Variants in CCNO observed in about 807,000 individuals in gnomAD.
The protein encoded by CCNO is cyclin O, also known as cyclin-O.
CCNO carries 24 observed loss-of-function variants against 23.9 expected under a neutral mutation model. The observed-to-expected ratio is 1.00, with a 90% CI of 0.73 to 1.41. CCNO has a LOEUF of 1.41. CCNO is among the 40% of genes most tolerant of loss of function. CCNO has a pLI of 0.00. For synonymous variants in CCNO, 241 were observed against 225.7 expected (o/e 1.07, Z -0.61); for missense variants, 542 against 476.2 (o/e 1.14, Z -1.29).
chr5:55,232,043 T>TA lies in CCNO; in HGVS notation c.568-184dup, dbSNP rs11424492. On this transcript the variant is annotated intron_variant, in intron 2 of 2. Coordinates refer to ENST00000282572, the MANE Select transcript of CCNO (RefSeq NM_021147.5). ...GCAGTTGATCTAACTACTGTCCAAC[T>TA]AAAAAAAAAAAGCTTGGGAAATTTT... Among the ~76,000 whole-genome samples the TA allele has an allele frequency of 0.13, 18,249 of 143,558 alleles. 1,179 individuals are homozygous for TA. Among genetic ancestry groups the TA allele is most frequent in the East Asian group, 0.27 (1,336 of 4,946 alleles). 94.2% of individuals were successfully genotyped at this position (143,558 alleles called of 152,430 possible). A position where few individuals can be genotyped will look rare whatever the true frequency, so the allele number is the denominator to read the frequency against.
chr5:55,232,927 G>A lies in CCNO; in HGVS notation c.381+216C>T. The A allele has an allele frequency of 6.6e-6, 4 of 606,804 alleles. No homozygotes were observed. In the South Asian group the frequency reaches 8.3e-5, roughly 13 times the overall value. The allele number at this position is 606,804 out of a possible 1,614,324, so 37.6% of individuals were successfully genotyped here. The stretch of plus-strand genomic sequence containing the variant: ...CTACCGTGCCCCAGTAGCCAGCTTG[G>A]GACGGGGCAAGTCCCTCAAGCCGTC... On this transcript the variant is annotated intron_variant, in intron 1 of 2. Coordinates refer to ENST00000282572, the MANE Select transcript of CCNO (RefSeq NM_021147.5).
rs547117661 is a variant in CCNO, at chr5:55,232,930, C to T, written c.381+213G>A. 8.2e-6 allele frequency: 5 copies of T among 607,020 alleles called. No individual in the cohort carries two copies. In the East Asian group the frequency reaches 1.1e-4, roughly 14 times the overall value. The allele number at this position is 607,020 out of a possible 1,614,324, so 37.6% of individuals were successfully genotyped here. A position where few individuals can be genotyped will look rare whatever the true frequency, so the allele number is the denominator to read the frequency against. On this transcript the variant is annotated intron_variant, in intron 1 of 2. Coordinates refer to ENST00000282572, the MANE Select transcript of CCNO (RefSeq NM_021147.5). ...CCGTGCCCCAGTAGCCAGCTTGGGA[C>T]GGGGCAAGTCCCTCAAGCCGTCTAC...
chr5:55,232,440 C>A lies in CCNO; in HGVS notation c.488G>T (p.Arg163Leu), dbSNP rs766335987. The stretch of plus-strand genomic sequence containing the variant: ...AGCCACCGGCGTGGTGGTGAGGAAG[C>A]GGTCCAGAGTGTTCACCGTCAGGCA... ...SLCLTVNTLD[R>L]FLTTTPVAAD... is the part of the protein sequence containing the mutation. Residue 163 changes from arginine (R) to leucine (L), a missense_variant, in exon 2 of 3, where the codon CGC (arginine) becomes CTC (leucine). Arg to Leu is a moderately radical substitution (Grantham distance 102). Coordinates refer to ENST00000282572, the MANE Select transcript of CCNO (RefSeq NM_021147.5). The A allele has an allele frequency of 1.2e-6, 2 of 1,614,012 alleles. No individual in the cohort carries two copies. Among genetic ancestry groups the A allele is most frequent in the Non-Finnish European group, 1.7e-6 (2 of 1,180,022 alleles).
At chr5:55,232,056 C>T (rs904666925) in intron 2 of CCNO, among the ~76,000 whole-genome samples, 196 bp from the exon 3 acceptor site, 1 of 151,292 alleles carries the variant, frequency 6.6e-6, no homozygotes, top group Admixed American at 6.6e-5. Flanking sequence ...AAAAAAAAAG[C>T]TTGGGAAATT....
chr5:55,232,655 A>G, intron 1 of CCNO, 109 bp from the exon 2 acceptor site: 1 of 1,000,430 alleles, frequency 1.0e-6, no homozygotes, highest in Non-Finnish European at 1.5e-6. Flanking sequence ...GAGAGGGGCA[A>G]GAAGATTTCA....
At position 55,233,331 on chromosome 5, in the gene CCNO, T is replaced by A. The variant is rs1745656857; in HGVS notation, c.193A>T (p.Ser65Cys). 1 of 1,605,504 alleles carries A rather than the reference T, an allele frequency of 6.2e-7. No homozygotes were observed. Among genetic ancestry groups the A allele is most frequent in the Non-Finnish European group, 8.5e-7 (1 of 1,177,290 alleles). Reference protein sequence around the residue: ...SGICDLFESPSSGSDGAESPS... With the variant: ...SGICDLFESPCSGSDGAESPS... ...CTCTCTGCGCCGTCTGAGCCGGAGC[T>A]GGGGGACTCGAACAGGTCGCAAATG... Residue 65 changes from serine to cysteine, a missense_variant, in exon 1 of 3, where the codon AGC (serine) becomes TGC (cysteine). Ser to Cys is a moderately radical substitution (Grantham distance 112). Transcript: ENST00000282572.
At chr5:55,232,249 T>A in intron 2 of CCNO, 112 bp downstream of exon 2, 1 of 959,164 alleles carries the variant, frequency 1.0e-6, no homozygotes, top group East Asian at 2.5e-5. Context: ...AAATGAGTTC[T>A]GGGAACCCAG....
In CCNO at chr5:55,233,448, G is replaced by C; in HGVS notation, c.76C>G (p.Arg26Gly). The part of the protein sequence containing the change: ...AGRRDNDQNL[R>G]APVKKSRRPR... ...CGCCTGCTCTTCTTCACCGGGGCGC[G>C]AAGGTTCTGGTCGTTGTCCCGCCTC... Residue 26 changes from arginine (R) to glycine (G), a missense_variant, in exon 1 of 3, where the codon CGC becomes GGC. Coordinates refer to ENST00000282572, the MANE Select transcript of CCNO (RefSeq NM_021147.5). 1.9e-6 allele frequency: 3 copies of C among 1,604,114 alleles called. No individual in the cohort carries two copies. Among genetic ancestry groups the C allele is most frequent in the Non-Finnish European group, 2.6e-6 (3 of 1,176,242 alleles).
At position 55,231,178 on chromosome 5, in the gene CCNO, G is replaced by T. The variant is rs750692917; in HGVS notation, c.*197C>A. The T allele has an allele frequency of 3.4e-5, 21 of 620,694 alleles. No homozygotes were observed. The highest frequency in any genetic ancestry group is 5.4e-5 in the Non-Finnish European group (19 of 354,704). 38.4% of individuals were successfully genotyped at this position (620,694 alleles called of 1,614,324 possible). The stretch of plus-strand genomic sequence containing the variant: ...TTAGACAAACCACAACTGTTTATTG[G>T]TGAAAGACTCAGCTTCCTCATGTGC... On this transcript the variant is annotated 3_prime_UTR_variant, in exon 3 of 3. Transcript: ENST00000282572.
At position 55,231,392 on chromosome 5, in the gene CCNO, G is replaced by T; in HGVS notation, c.1036C>A (p.Pro346Thr). The T allele has an allele frequency of 6.2e-7, 1 of 1,613,912 alleles. No homozygotes were observed. Among genetic ancestry groups the T allele is most frequent in the Non-Finnish European group, 8.5e-7 (1 of 1,179,824 alleles). The change falls in exon 3 of 3, where the codon CCC (proline) becomes ACC (threonine). Residue 346 changes from proline to threonine, a missense_variant. Transcript: ENST00000282572. Reference sequence around the variant, plus strand: ...GATCTGTTTTATTTCGAGCTCGGGGGCAGGCTGCACTTCTCGCAGATCTGA... The same window carrying T: ...GATCTGTTTTATTTCGAGCTCGGGGTCAGGCTGCACTTCTCGCAGATCTGA... Reference protein sequence around the residue: ...PVQICEKCSLPPSSK With the variant: ...PVQICEKCSLTPSSK
At chr5:55,232,809 C>A in intron 1 of CCNO, 1 of 590,476 alleles carries the variant, frequency 1.7e-6, no homozygotes, top group South Asian at 2.1e-5. Context: ...GGGAGGGGTT[C>A]CATTTTGCAG....
chr5:55,233,087 G>A (rs1403463474), intron 1 of CCNO, 56 bp downstream of exon 1: 2 of 1,509,816 alleles, frequency 1.3e-6, no homozygotes, highest in Non-Finnish European at 1.8e-6. Context: ...GGAGAGGAGA[G>A]AGCCTGGGAG....
At chr5:55,232,319 C>A in intron 2 of CCNO, 42 bp downstream of exon 2, 2 of 1,540,258 alleles carry the variant, frequency 1.3e-6, no homozygotes, top group Non-Finnish European at 1.8e-6. Context: ...AGTTTGGCTG[C>A]GTCCCCAGAT....
In CCNO at chr5:55,231,813, G is replaced by C. The variant is rs1274300834; in HGVS notation, c.615C>G (p.Cys205Trp). 13 of 1,554,508 alleles carry C rather than the reference G, an allele frequency of 8.4e-6. No homozygotes were observed. Among genetic ancestry groups the C allele is most frequent in the Non-Finnish European group, 1.1e-5 (13 of 1,149,978 alleles). Residue 205 changes from cysteine to tryptophan, a missense_variant, in exon 3 of 3, where the codon TGC becomes TGG. Cys to Trp is a radical substitution (Grantham distance 215). Coordinates refer to ENST00000282572, the MANE Select transcript of CCNO (RefSeq NM_021147.5). ...PRVKQLLALCCGAFSRQQLCN... is the reference protein window; with the variant it reads ...PRVKQLLALCWGAFSRQQLCN... ...AGAGCTGCTGCCGGGAGAAGGCGCC[G>C]CAGCAGAGGGCCAGAAGCTGCTTCA... is the stretch of plus-strand genomic sequence containing the variant.
At chr5:55,232,882 A>G (rs1024470035) in intron 1 of CCNO, 2 of 590,020 alleles carry the variant, frequency 3.4e-6, no homozygotes, top group East Asian at 2.8e-5. Flanking sequence ...TCCAGACTCA[A>G]CCCGGAAACG....
chr5:55,233,589 T>C lies in CCNO; in HGVS notation c.-66A>G, dbSNP rs1745671630. ...GCTGCGGCGGGCAGCAAACGCGCAC[T>C]CGAAAGTGCGAAGGAGGCCGGGCTC... is the stretch of plus-strand genomic sequence containing the variant. On this transcript the variant is annotated 5_prime_UTR_variant, in exon 1 of 3. Transcript: ENST00000282572. The C allele has an allele frequency of 1.4e-6, 2 of 1,432,942 alleles. No homozygotes were observed. Among genetic ancestry groups the C allele is most frequent in the Non-Finnish European group, 1.8e-6 (2 of 1,091,262 alleles). The allele number at this position is 1,432,942 out of a possible 1,614,324, so 88.8% of individuals were successfully genotyped here. A position where few individuals can be genotyped will look rare whatever the true frequency, so the allele number is the denominator to read the frequency against.
In CCNO at chr5:55,233,124, G is replaced by A. The variant is rs1745643697; in HGVS notation, c.381+19C>T. 2 of 1,537,232 alleles carry A rather than the reference G, an allele frequency of 1.3e-6. No individual in the cohort carries two copies. The highest frequency in any genetic ancestry group is 2.0e-5 in the Admixed American group (1 of 50,422). ...AGAGGAAGAGCGGCGGCGTGGAGCT[G>A]GCTCTACCAGCACCTCACTTGTGGC... On this transcript the variant is annotated intron_variant, in intron 1 of 2. Coordinates refer to ENST00000282572, the MANE Select transcript of CCNO (RefSeq NM_021147.5).
rs1745646459 is a variant in CCNO at position 55,233,175 on chromosome 5, G to A, written c.349C>T (p.His117Tyr). ...AFRKAQESHF[H>Y]PREALARQPQ... The stretch of plus-strand genomic sequence containing the variant: ...TGCCGTGCCAGCGCCTCCCGCGGGT[G>A]GAAGTGGCTCTCCTGCGCCTTGCGG... Residue 117 changes from histidine to tyrosine, a missense_variant, in exon 1 of 3, where the codon CAC becomes TAC. Physicochemically the swap from His to Tyr is moderately conservative, Grantham distance 83 (BLOSUM62 2). Coordinates refer to ENST00000282572, the MANE Select transcript of CCNO (RefSeq NM_021147.5). 1.3e-6 allele frequency: 2 copies of A among 1,548,632 alleles called. No individual in the cohort carries two copies. Among genetic ancestry groups the A allele is most frequent in the South Asian group, 1.2e-5 (1 of 84,272 alleles).
Position 55,231,168 on chromosome 5 carries a change from C to T in CCNO, c.*207G>A. On this transcript the variant is annotated 3_prime_UTR_variant, in exon 3 of 3. Coordinates refer to ENST00000282572, the MANE Select transcript of CCNO (RefSeq NM_021147.5). ...CTTGCAGGATTTAGACAAACCACAA[C>T]TGTTTATTGGTGAAAGACTCAGCTT... 1 of 600,308 alleles carries T rather than the reference C, an allele frequency of 1.7e-6. No individual in the cohort carries two copies. The highest frequency in any genetic ancestry group is 2.9e-6 in the Non-Finnish European group (1 of 341,302). The allele number at this position is 600,308 out of a possible 1,614,324, so 37.2% of individuals were successfully genotyped here.
Sources: gnomAD v4.1 joint callset for allele counts (sites outside exome capture counted in the v4.1 genomes callset) on GRCh38, gnomAD v4.1.1 for gene constraint, MANE v1.5 for transcripts, NCBI Gene and HGNC (gene_info 2026-07-23, HGNC 2026-07-21) for gene names.